Variants in C11orf58 observed in about 807,000 individuals in gnomAD.
The protein encoded by C11orf58 is small acidic protein.
Under a neutral mutation model 22.7 loss-of-function variants are expected in C11orf58, and 5 were observed. The observed-to-expected ratio is 0.22, with a 90% confidence interval of 0.12 to 0.46. C11orf58 has a LOEUF of 0.46. Among genes scored for constraint, C11orf58 ranks in the 20% least tolerant of loss-of-function variants. The pLI is 0.99. For synonymous variants in C11orf58, 71 were observed against 70.7 expected (o/e 1.00, Z -0.02); for missense variants, 151 against 223.3 (o/e 0.68, Z 2.06).
rs1254944362 is a variant in C11orf58, at chr11:16,753,843, C to T, written c.318+949C>T. 13 of 456,800 alleles carry T rather than the reference C, an allele frequency of 2.8e-5. No homozygotes were observed. The South Asian group carries it at 5.1e-4, about 18-fold the overall frequency. The allele number at this position is 456,800 out of a possible 1,614,324, so 28.3% of individuals were successfully genotyped here. A position where few individuals can be genotyped will look rare whatever the true frequency, so the allele number is the denominator to read the frequency against. ...GCCTCCTGAGGACCTGGGATATAGG[C>T]CTGCACCACCATGCCTAGCTAATTT... On this transcript the variant is annotated intron_variant, in intron 4 of 4. Transcript: ENST00000228136.
intron 1 of C11orf58, 74 bp downstream of exon 1, chr11:16,738,915 A>G (rs1447609434): frequency 2.6e-6 from 4 of 1,559,134 alleles, no homozygotes; most frequent in Non-Finnish European, 3.5e-6. Context: ...GGGTGGTTGG[A>G]GGAGGACGCG....
In C11orf58 at chr11:16,738,704, A is replaced by G. The variant is rs904627822; in HGVS notation, c.-75A>G. 3.3e-6 allele frequency: 5 copies of G among 1,529,014 alleles called. No homozygotes were observed. In the African/African-American group the frequency reaches 5.5e-5, roughly 17 times the overall value. 94.7% of individuals were successfully genotyped at this position (1,529,014 alleles called of 1,614,324 possible). ...GTGGCGCTGCTTGGGCCCTTGGCGG[A>G]TTGTAAGCTGCTGGTTTTGCGGCTG... On this transcript the variant is annotated 5_prime_UTR_variant, in exon 1 of 5. Transcript: ENST00000228136.
At chr11:16,752,431 G>A (rs1296822070) in intron 3 of C11orf58, 1 of 159,310 alleles carries the variant, frequency 6.3e-6, no homozygotes. Flanking sequence ...GCCATTTGCT[G>A]AACAGAAGTG....
At position 16,755,658 on chromosome 11, in the gene C11orf58, A is replaced by G. The variant is rs1316128859; in HGVS notation, c.*554A>G. On this transcript the variant is annotated 3_prime_UTR_variant, in exon 5 of 5. Coordinates refer to ENST00000228136, the MANE Select transcript of C11orf58 (RefSeq NM_014267.6). ...GCAAGTACTTTTCACACTTGTTAAG[A>G]TGGAGTTATAACTGTCATACATTTG... 1 of 152,752 alleles carries G rather than the reference A, an allele frequency of 6.5e-6. No individual in the cohort carries two copies. The highest frequency in any genetic ancestry group is 1.5e-5 in the Non-Finnish European group (1 of 68,130). The allele number at this position is 152,752 out of a possible 1,614,324, so 9.5% of individuals were successfully genotyped here.
At chr11:16,752,951 T>A in intron 4 of C11orf58, 57 bp downstream of exon 4, 1 of 1,334,574 alleles carries the variant, frequency 7.5e-7, no homozygotes, top group Non-Finnish European at 1.1e-6. Flanking sequence ...TGGTACCATT[T>A]ATTGCTGTTA....
chr11:16,741,041 A>T (rs577838736), intron 1 of C11orf58, among the ~76,000 whole-genome samples: 1 of 150,800 alleles, frequency 6.6e-6, no homozygotes, highest in Non-Finnish European at 1.5e-5. Context: ...GCTTGCAGTG[A>T]GCCAAGATGG....
chr11:16,740,941 A>C (rs945429046), intron 1 of C11orf58, among the ~76,000 whole-genome samples: 11 of 151,792 alleles, frequency 7.2e-5, no homozygotes, highest in African/African-American at 2.7e-4. Flanking sequence ...AAAAAATACA[A>C]AAAAATTAAC....
At position 16,756,945 on chromosome 11, in the gene C11orf58, G is replaced by C. The variant is rs918527230; in HGVS notation, c.*1841G>C. 6.7e-6 allele frequency: 1 copy of C among 149,656 alleles called. No homozygotes were observed. Among genetic ancestry groups the C allele is most frequent in the Non-Finnish European group, 1.5e-5 (1 of 67,428 alleles). 9.3% of individuals were successfully genotyped at this position (149,656 alleles called of 1,614,324 possible). A position where few individuals can be genotyped will look rare whatever the true frequency, so the allele number is the denominator to read the frequency against. On this transcript the variant is annotated 3_prime_UTR_variant, in exon 5 of 5. Coordinates refer to ENST00000228136, the MANE Select transcript of C11orf58 (RefSeq NM_014267.6). ...AAAAAAAAATTTAGAATGTGTTAGA[G>C]AAATTTAACAAGTAGAACAGGTGAT... is the stretch of plus-strand genomic sequence containing the variant.
At position 16,752,879 on chromosome 11, in the gene C11orf58, A is replaced by G; in HGVS notation, c.303A>G (p.Gly101=). Residue 101 remains glycine, a synonymous_variant, in exon 4 of 5, where the codon GGA becomes GGG. Coordinates refer to ENST00000228136, the MANE Select transcript of C11orf58 (RefSeq NM_014267.6). ...KLSGRYRRHC[G]LGFSEVEDHD... is the part of the protein sequence containing the mutation. ...CAGGAAGATATCGGCGACATTGTGGACTTGGCTTCAGTGAGGTAGTAATTA... is the reference window on the plus strand; with the variant it reads ...CAGGAAGATATCGGCGACATTGTGGGCTTGGCTTCAGTGAGGTAGTAATTA... 4 of 1,609,556 alleles carry G rather than the reference A, an allele frequency of 2.5e-6. No homozygotes were observed. The highest frequency in any genetic ancestry group is 3.4e-6 in the Non-Finnish European group (4 of 1,178,060).
chr11:16,754,036 G>A (rs1300539122), intron 4 of C11orf58: 1 of 419,164 alleles, frequency 2.4e-6, no homozygotes, highest in East Asian at 3.5e-5. Flanking sequence ...ATGCTCACAA[G>A]TTAAGTAAAA....
At chr11:16,744,476 A>T in intron 1 of C11orf58, 125 bp from the exon 2 acceptor site, 1 of 699,692 alleles carries the variant, frequency 1.4e-6, no homozygotes, top group South Asian at 1.9e-5. Context: ...CTAAGCAAGA[A>T]AAATGAACGC....
In C11orf58 at chr11:16,755,116, T is replaced by C. The variant is rs1285241061; in HGVS notation, c.*12T>C. On this transcript the variant is annotated 3_prime_UTR_variant, in exon 5 of 5. Coordinates refer to ENST00000228136, the MANE Select transcript of C11orf58 (RefSeq NM_014267.6). ...CCAGTGGTTCATAACTCCCAAACGC[T>C]TAGTCTTTGTATTAAAAGTAAGCCT... 3.1e-6 allele frequency: 5 copies of C among 1,612,418 alleles called. No individual in the cohort carries two copies. Among genetic ancestry groups the C allele is most frequent in the Non-Finnish European group, 4.2e-6 (5 of 1,179,438 alleles).
intron 2 of C11orf58, chr11:16,747,318 GGTTT>G (rs1848495228): frequency 6.6e-6 from 1 of 152,130 alleles, no homozygotes; most frequent in Non-Finnish European, 1.5e-5. Context: ...ACAATAGGAA[GGTTT>G]GTTACTGTAT....
chr11:16,752,992 G>A (rs1013918005), intron 4 of C11orf58, 98 bp downstream of exon 4: 1 of 869,194 alleles, frequency 1.2e-6, no homozygotes, highest in Non-Finnish European at 1.8e-6. Context: ...ATCCCATGTA[G>A]AAAGCTTTCT....
intron 1 of C11orf58, among the ~76,000 whole-genome samples, chr11:16,742,701 C>A (rs1466739506): frequency 2.0e-5 from 3 of 151,934 alleles, no homozygotes; most frequent in Admixed American, 6.6e-5. Flanking sequence ...TAGTCTTTTA[C>A]AAATAATTTT....
At chr11:16,750,970 G>A (rs1455305845) in intron 3 of C11orf58, 1 of 152,176 alleles carries the variant, frequency 6.6e-6, no homozygotes, top group Non-Finnish European at 1.5e-5. Context: ...TTTGTAGGAT[G>A]TGCTTAAAAT....
intron 4 of C11orf58, among the ~76,000 whole-genome samples, chr11:16,753,401 G>A (rs895963138): frequency 6.6e-6 from 1 of 151,106 alleles, no homozygotes; most frequent in African/African-American, 2.4e-5. Context: ...GTCTCTCTCT[G>A]TTGCCCCAGG....
intron 4 of C11orf58, among the ~76,000 whole-genome samples, chr11:16,754,505 CTTTTTTCTTTTTT>C (rs1165844814): frequency 2.9e-5 from 1 of 34,322 alleles, no homozygotes; most frequent in East Asian, 9.5e-4. Flanking sequence ...TAATTTTTTT[CTTTTTTCTTTTTT>C]TTTTTTTAGT....
At chr11:16,739,934 C>T (rs889151153) in intron 1 of C11orf58, among the ~76,000 whole-genome samples, 1 of 152,198 alleles carries the variant, frequency 6.6e-6, no homozygotes, top group Non-Finnish European at 1.5e-5. Flanking sequence ...AGACCTACCC[C>T]TCTGATGGGA....
Sources: allele counts gnomAD v4.1 joint callset (sites outside exome capture counted in the v4.1 genomes callset), GRCh38; gene constraint gnomAD v4.1.1; transcripts MANE v1.5; gene names NCBI Gene and HGNC (gene_info 2026-07-23, HGNC 2026-07-21).